BPHL: variants seen among roughly 807,000 people sequenced by gnomAD.
The protein encoded by BPHL is serine hydrolase BPHL.
Under a neutral mutation model 31.2 loss-of-function variants are expected in BPHL, and 27 were observed. The ratio of observed to expected loss-of-function variants is 0.87; its 90% confidence interval spans 0.64 to 1.19. The LOEUF (loss-of-function observed/expected upper bound fraction) is 1.19. Among genes scored for constraint, BPHL ranks in the 50% most tolerant of loss-of-function variants. The pLI, the probability that BPHL is intolerant of heterozygous loss-of-function variation, is 0.00. For missense variants in BPHL, 356 were observed against 375.7 expected (o/e 0.95, Z 0.43); for synonymous variants, 150 against 146.8 (o/e 1.02, Z -0.16).
intron 1 of BPHL, 76 bp downstream of exon 1, chr6:3,118,923 C>T: frequency 3.5e-6 from 4 of 1,150,714 alleles, no homozygotes; most frequent in Non-Finnish European, 4.4e-6. Flanking sequence ...CGCGTGCCGA[C>T]AGCAGGAGTT....
intron 1 of BPHL, among the ~76,000 whole-genome samples, chr6:3,120,952 A>G (rs2113742265): frequency 6.6e-6 from 1 of 152,322 alleles, no homozygotes; most frequent in African/African-American, 2.4e-5. Context: ...GAGAGGAATC[A>G]TGGCCTCTGG....
chr6:3,132,511 CAT>C (rs1164126288), intron 4 of BPHL, among the ~76,000 whole-genome samples: 1 of 152,164 alleles, frequency 6.6e-6, no homozygotes, highest in Non-Finnish European at 1.5e-5. Flanking sequence ...CCAAACCCCA[CAT>C]GTTCGACTGT....
intron 1 of BPHL, chr6:3,119,468 T>G: frequency 2.5e-6 from 4 of 1,613,980 alleles, no homozygotes; most frequent in Non-Finnish European, 3.4e-6. Flanking sequence ...TGCCCAGGAA[T>G]CTGCTTTATT....
chr6:3,147,970 C>A (rs912665284), intron 6 of BPHL, among the ~76,000 whole-genome samples: 1 of 152,234 alleles, frequency 6.6e-6, no homozygotes, highest in Non-Finnish European at 1.5e-5. Flanking sequence ...AGGCTTTTAG[C>A]AGATTGGACA....
Position 3,140,399 on chromosome 6 carries a change from G to T in BPHL, c.678G>T (p.Arg226=). The T allele has an allele frequency of 1.2e-6, 2 of 1,614,128 alleles. No individual in the cohort carries two copies. Among genetic ancestry groups the T allele is most frequent in the Non-Finnish European group, 1.7e-6 (2 of 1,180,030 alleles). ...TGTATCCGTCAGGTAACATCTGCCGGCACCTGCTGCCCCGGGTCCAGTGCC... is the reference window on the plus strand; with the variant it reads ...TGTATCCGTCAGGTAACATCTGCCGTCACCTGCTGCCCCGGGTCCAGTGCC... ...FKHLPDGNIC[R]HLLPRVQCPA... is the part of the protein sequence containing the mutation. The change falls in exon 6 of 7, where the codon CGG becomes CGT. Residue 226 remains arginine, a synonymous_variant. Transcript: ENST00000380379. The surrounding 1 kb of genome is among the most constrained non-coding windows in gnomAD (Gnocchi z 5.2).
At chr6:3,147,363 T>G (rs908119596) in intron 6 of BPHL, among the ~76,000 whole-genome samples, 1 of 152,144 alleles carries the variant, frequency 6.6e-6, no homozygotes, top group African/African-American at 2.4e-5. Context: ...CCAGAGGACA[T>G]TGGGGCATAG....
chr6:3,126,899 G>A (rs9501927), intron 2 of BPHL: 13,304 of 158,066 alleles, frequency 0.084, 1,746 homozygotes, highest in African/African-American at 0.28. Context: ...GACTACAGGC[G>A]CACACCGCCA....
intron 4 of BPHL, among the ~76,000 whole-genome samples, chr6:3,136,295 C>T (rs1762016970): frequency 6.6e-6 from 1 of 152,226 alleles, no homozygotes; most frequent in Non-Finnish European, 1.5e-5. Flanking sequence ...CTTCTTCCTA[C>T]ATCTTCTCCC....
In BPHL at chr6:3,119,308, G is replaced by A. The variant is rs1196425780; in HGVS notation, c.107+461G>A. On this transcript the variant is annotated intron_variant, in intron 1 of 6. Transcript: ENST00000380379. ...AGAAATCAGCCTGAGCCTGAGTACC[G>A]CTAAGGCTTTAATCACGGGTCCCGA... 6 of 1,547,126 alleles carry A rather than the reference G, an allele frequency of 3.9e-6. No homozygotes were observed. In the South Asian group the frequency reaches 6.0e-5, roughly 15 times the overall value.
At chr6:3,137,523 C>T in intron 5 of BPHL, 30 bp downstream of exon 5, 1 of 1,612,886 alleles carries the variant, frequency 6.2e-7, no homozygotes, top group Non-Finnish European at 8.5e-7. Context: ...GGGCTCTCTG[C>T]CTGTTATAGA....
chr6:3,137,087 A>C (rs1316995512), intron 4 of BPHL, among the ~76,000 whole-genome samples: 2 of 151,958 alleles, frequency 1.3e-5, no homozygotes, highest in Non-Finnish European at 2.9e-5. Context: ...GTATTGTGGG[A>C]GGCACTAGTG....
intron 1 of BPHL, among the ~76,000 whole-genome samples, chr6:3,120,745 G>A (rs892343314): frequency 4.6e-5 from 7 of 152,202 alleles, no homozygotes; most frequent in African/African-American, 1.2e-4. Flanking sequence ...TGGATATTAT[G>A]TGCAGTTATA....
intron 2 of BPHL, among the ~76,000 whole-genome samples, chr6:3,125,431 T>G (rs1180632052): frequency 6.6e-6 from 1 of 152,182 alleles, no homozygotes; most frequent in Non-Finnish European, 1.5e-5. Context: ...TCCTGTCCTA[T>G]CCTCAGCACC....
chr6:3,129,676 G>A (rs1195826403), intron 4 of BPHL, among the ~76,000 whole-genome samples: 2 of 152,082 alleles, frequency 1.3e-5, no homozygotes, highest in Admixed American at 1.3e-4. Context: ...GAGAGATGGG[G>A]GAGGAAAGAA....
intron 6 of BPHL, among the ~76,000 whole-genome samples, chr6:3,145,150 TCGAGTGCTGGTTCAGGG>T (rs1762295013): frequency 7.1e-6 from 1 of 140,740 alleles, no homozygotes. Context: ...CTGGTTTGGG[TCGAGTGCTGGTTCAGGG>T]TGGAGTGCTG....
In BPHL at chr6:3,146,975, A is replaced by G. The variant is rs72496704; in HGVS notation, c.789-5513A>G. Among the ~76,000 whole-genome samples, 144 of 152,348 alleles carry G rather than the reference A, an allele frequency of 9.5e-4. 1 individual carries two copies. In the East Asian group the frequency reaches 0.027, roughly 28 times the overall value. ...CTGTTACCTCTTGTGTGAAATGAGC[A>G]TGACAATACCTATCATCTCAAGATA... On this transcript the variant is annotated intron_variant, in intron 6 of 6. Coordinates refer to ENST00000380379, the MANE Select transcript of BPHL (RefSeq NM_004332.4).
intron 1 of BPHL, among the ~76,000 whole-genome samples, chr6:3,120,443 GGA>G (rs1761537636): frequency 6.6e-6 from 1 of 152,070 alleles, no homozygotes; most frequent in Non-Finnish European, 1.5e-5. Context: ...AGGTTTTTCT[GGA>G]TTTTGTACGG....
In BPHL at chr6:3,137,502, C is replaced by T. The variant is rs763355020; in HGVS notation, c.664+9C>T. 23 of 1,613,552 alleles carry T rather than the reference C, an allele frequency of 1.4e-5. No individual in the cohort carries two copies. Among genetic ancestry groups the T allele is most frequent in the Non-Finnish European group, 1.9e-5 (23 of 1,179,910 alleles). ...TAAACATCTCCCAGATGGTAGGTTA[C>T]TGGGCTTGAAGGGCTCTCTGCCTGT... is the stretch of plus-strand genomic sequence containing the variant. On this transcript the variant is annotated intron_variant, in intron 5 of 6. Coordinates refer to ENST00000380379, the MANE Select transcript of BPHL (RefSeq NM_004332.4).
intron 5 of BPHL, among the ~76,000 whole-genome samples, chr6:3,137,881 A>T (rs1456922882): frequency 1.3e-5 from 2 of 152,174 alleles, no homozygotes; most frequent in Non-Finnish European, 2.9e-5. Context: ...TTTCCTTTTT[A>T]CACATTTAGA....
Sources: allele counts gnomAD v4.1 joint callset (sites outside exome capture counted in the v4.1 genomes callset), GRCh38; gene constraint gnomAD v4.1.1; non-coding constraint Gnocchi (gnomAD v3.1); transcripts MANE v1.5; gene names NCBI Gene and HGNC (gene_info 2026-07-23, HGNC 2026-07-21).